PWP1: variants seen among roughly 807,000 people sequenced by gnomAD.
PWP1 encodes periodic tryptophan protein 1 homolog.
Under a neutral mutation model 69.9 loss-of-function variants are expected in PWP1, and 47 were observed. The observed-to-expected ratio is 0.67, with a 90% CI of 0.53 to 0.86. PWP1 has a LOEUF of 0.86. Ranked by LOEUF, PWP1 falls within the 40% of genes least tolerant of loss-of-function variation. The pLI is 0.00. For synonymous variants in PWP1, 222 were observed against 208.2 expected (o/e 1.07, Z -0.57); for missense variants, 551 against 608.8 (o/e 0.91, Z 1.00).
intron 10 of PWP1, among the ~76,000 whole-genome samples, chr12:107,704,306 A>G (rs544980264): frequency 3.6e-4 from 55 of 152,318 alleles, no homozygotes; most frequent in African/African-American, 1.3e-3. Context: ...GACATGAGTA[A>G]CCTGGCTCTG....
At chr12:107,701,454 CTACTT>C (rs953925406) in intron 8 of PWP1, among the ~76,000 whole-genome samples, 21 of 152,082 alleles carry the variant, frequency 1.4e-4, no homozygotes, top group African/African-American at 3.9e-4. Context: ...GTGATGGTGT[CTACTT>C]TATTTCTTTT....
chr12:107,708,135 A>G (rs1282801553), intron 11 of PWP1, among the ~76,000 whole-genome samples: 1 of 151,996 alleles, frequency 6.6e-6, no homozygotes, highest in African/African-American at 2.4e-5. Flanking sequence ...TTCGGCTCTC[A>G]CTCTTCAGGT....
At chr12:107,696,253 G>A (rs868851621) in intron 5 of PWP1, among the ~76,000 whole-genome samples, 1 of 151,814 alleles carries the variant, frequency 6.6e-6, no homozygotes, top group African/African-American at 2.4e-5. Flanking sequence ...GGCTGGTCTC[G>A]AACTCCTGAC....
At chr12:107,696,618 C>T (rs1164850963) in intron 6 of PWP1, 34 bp downstream of exon 6, 4 of 1,611,868 alleles carry the variant, frequency 2.5e-6, no homozygotes, top group Admixed American at 3.4e-5. Flanking sequence ...TCAATGATTT[C>T]CAGTCTTATG....
chr12:107,707,079 G>A (rs1889838700), intron 11 of PWP1, among the ~76,000 whole-genome samples: 1 of 151,028 alleles, frequency 6.6e-6, no homozygotes, highest in African/African-American at 2.5e-5. Context: ...ATTTCGTTGA[G>A]CAGTGGTTTG....
chr12:107,697,337 G>C, intron 6 of PWP1, 130 bp from the exon 7 acceptor site: 1 of 823,894 alleles, frequency 1.2e-6, no homozygotes, highest in Non-Finnish European at 1.7e-6. Context: ...TTCAGATGCC[G>C]CATATGCATA....
chr12:107,704,195 A>G (rs1889768007), intron 10 of PWP1, among the ~76,000 whole-genome samples: 1 of 152,242 alleles, frequency 6.6e-6, no homozygotes. Context: ...CTCTTGAAGC[A>G]TGATATGTTT....
intron 13 of PWP1, 77 bp from the exon 14 acceptor site, chr12:107,710,328 T>G: frequency 6.4e-7 from 1 of 1,564,818 alleles, no homozygotes; most frequent in Non-Finnish European, 8.6e-7. Context: ...CATAGATTCT[T>G]AGAGACAACA....
At position 107,702,966 on chromosome 12, in the gene PWP1, A is replaced by C. The variant is rs1413303978; in HGVS notation, c.838A>C (p.Thr280Pro). The C allele has an allele frequency of 6.2e-7, 1 of 1,611,474 alleles. No individual in the cohort carries two copies. Among genetic ancestry groups the C allele is most frequent in the Non-Finnish European group, 8.5e-7 (1 of 1,177,656 alleles). Reference protein sequence around the residue: ...NVLASASADNTVILWDMSLGK... With the variant: ...NVLASASADNPVILWDMSLGK... ...TTTAGCAAGTGCATCAGCTGACAAC[A>C]CTGTAATTCTGTGGGATATGTCCTT... Residue 280 changes from threonine (T) to proline (P), a missense_variant, in exon 9 of 15, where the codon ACT becomes CCT. Physicochemically the swap from Thr to Pro is conservative, Grantham distance 38 (BLOSUM62 -1). Coordinates refer to ENST00000412830, the MANE Select transcript of PWP1 (RefSeq NM_007062.3).
Position 107,703,676 on chromosome 12 carries a change from TC to T in PWP1, c.904-6del. On this transcript the variant is annotated splice_polypyrimidine_tract_variant and splice_region_variant and intron_variant, in intron 9 of 14. Coordinates refer to ENST00000412830, the MANE Select transcript of PWP1 (RefSeq NM_007062.3). The stretch of plus-strand genomic sequence containing the variant: ...CAGAGATCTCTGCATTTATGTTTCC[TC>T]CCTTTAGGTCCAAACACTGCAGTTT... The T allele has an allele frequency of 6.3e-7, 1 of 1,595,736 alleles. No individual in the cohort carries two copies. The highest frequency in any genetic ancestry group is 1.3e-5 in the African/African-American group (1 of 74,558).
chr12:107,707,896 AG>A (rs151080047), intron 11 of PWP1, among the ~76,000 whole-genome samples: 2,335 of 152,276 alleles, frequency 0.015, 26 homozygotes, highest in Non-Finnish European at 0.025. Flanking sequence ...CTTTGGTATC[AG>A]GGTGATGCTG....
chr12:107,700,506 A>T (rs1889686844), intron 8 of PWP1, among the ~76,000 whole-genome samples: 1 of 152,276 alleles, frequency 6.6e-6, no homozygotes, highest in African/African-American at 2.4e-5. Flanking sequence ...TAAGTGTCAG[A>T]GTTTCTTCCT....
intron 1 of PWP1, among the ~76,000 whole-genome samples, chr12:107,686,951 CAG>C (rs1889378592): frequency 8.7e-6 from 1 of 114,438 alleles, no homozygotes; most frequent in East Asian, 2.5e-4. Context: ...GGGCGGGCAA[CAG>C]AGTGAGACTC....
chr12:107,704,848 A>G, intron 11 of PWP1, 101 bp downstream of exon 11: 3 of 961,848 alleles, frequency 3.1e-6, no homozygotes, highest in Non-Finnish European at 4.8e-6. Context: ...CTGTTTTAAC[A>G]GTATGAAGTA....
intron 5 of PWP1, among the ~76,000 whole-genome samples, chr12:107,693,400 C>T (rs1393215931): frequency 6.6e-6 from 1 of 151,926 alleles, no homozygotes; most frequent in Non-Finnish European, 1.5e-5. Context: ...GTCTCGAACT[C>T]CTGGGCTGAC....
chr12:107,712,203 A>C lies in PWP1; in HGVS notation c.1489A>C (p.Thr497Pro), dbSNP rs956411484. 2 of 1,612,622 alleles carry C rather than the reference A, an allele frequency of 1.2e-6. No homozygotes were observed. The highest frequency in any genetic ancestry group is 1.3e-5 in the African/African-American group (1 of 74,920). ...SGPFGSRSSD[T>P]PMES ...CCCTTTTGGCAGCAGGAGCTCAGAT[A>C]CACCCATGGAGTCTTAATGAAGATC... Residue 497 changes from threonine to proline, a missense_variant, in exon 15 of 15, where the codon ACA becomes CCA. Transcript: ENST00000412830.
At chr12:107,710,631 T>C in intron 14 of PWP1, 121 bp downstream of exon 14, 2 of 1,414,466 alleles carry the variant, frequency 1.4e-6, no homozygotes, top group Non-Finnish European at 1.9e-6. Flanking sequence ...CAAGCAATCC[T>C]TGGTCCTCAG....
At chr12:107,694,725 C>T (rs1889549301) in intron 5 of PWP1, among the ~76,000 whole-genome samples, 1 of 151,974 alleles carries the variant, frequency 6.6e-6, no homozygotes, top group African/African-American at 2.4e-5. Context: ...TGCATTCTTA[C>T]CTGAGAACTT....
Position 107,699,220 on chromosome 12 carries a change from C to T in PWP1, c.745-153C>T, listed in dbSNP as rs558991155. 3.3e-5 allele frequency among the ~76,000 whole-genome samples: 5 copies of T among 152,310 alleles called. No homozygotes were observed. The East Asian group carries it at 9.7e-4, about 29-fold the overall frequency. ...GTTGCAGTGAGCTGAGATCGTGCAA[C>T]TGCACTCTAGCCAGGGCAACAGACA... is the stretch of plus-strand genomic sequence containing the variant. On this transcript the variant is annotated intron_variant, in intron 7 of 14. Coordinates refer to ENST00000412830, the MANE Select transcript of PWP1 (RefSeq NM_007062.3).
Sources: allele counts gnomAD v4.1 joint callset (sites outside exome capture counted in the v4.1 genomes callset), GRCh38; gene constraint gnomAD v4.1.1; transcripts MANE v1.5; gene names NCBI Gene and HGNC (gene_info 2026-07-23, HGNC 2026-07-21).